Variants in UBE2K observed in about 807,000 individuals in gnomAD.
The protein encoded by UBE2K is ubiquitin conjugating enzyme E2 K, also known as ubiquitin-conjugating enzyme E2 K.
A neutral mutation model predicts 30.0 loss-of-function variants in UBE2K; 6 were observed. The observed-to-expected ratio is 0.20, with a 90% CI of 0.11 to 0.39. The LOEUF is 0.39. UBE2K is among the 10% of genes least tolerant of loss of function. The probability of loss-of-function intolerance (pLI) is 1.00; values close to 1 mark genes in which losing one functional copy is unlikely to be tolerated. For missense variants in UBE2K, 61 were observed against 241.6 expected, an observed-to-expected ratio of 0.25 and a Z score of 4.96; for synonymous variants, 86 against 83.7, an observed-to-expected ratio of 1.03 and a Z score of -0.15.
At chr4:39,735,858 A>AAGTAATT (rs1288987428) in intron 1 of UBE2K, among the ~76,000 whole-genome samples, 1 of 152,184 alleles carries the variant, frequency 6.6e-6, no homozygotes, top group African/African-American at 2.4e-5. Flanking sequence ...ACTAATTAGA[A>AAGTAATT]AGTAAGTTTT....
chr4:39,775,014 G>A, intron 5 of UBE2K, 81 bp downstream of exon 5: 4 of 769,262 alleles, frequency 5.2e-6, no homozygotes, highest in Non-Finnish European at 7.7e-6. Flanking sequence ...ATTAACACAT[G>A]AGCATACTCT....
chr4:39,702,610 C>T (rs1009717766), intron 1 of UBE2K, among the ~76,000 whole-genome samples: 27 of 151,958 alleles, frequency 1.8e-4, no homozygotes, highest in Admixed American at 4.6e-4. Context: ...AAATTGGTTT[C>T]GTGAAAATTA....
intron 2 of UBE2K, among the ~76,000 whole-genome samples, chr4:39,739,669 A>G (rs1214962984): frequency 6.9e-6 from 1 of 144,740 alleles, no homozygotes; most frequent in Non-Finnish European, 1.5e-5. Flanking sequence ...CTTGTCTTGA[A>G]CTCCTGACCT....
intron 1 of UBE2K, among the ~76,000 whole-genome samples, chr4:39,728,567 T>G (rs905065612): frequency 1.3e-5 from 2 of 152,022 alleles, no homozygotes; most frequent in Non-Finnish European, 2.9e-5. Context: ...AATATCTTTT[T>G]CTTCCTTTCT....
At chr4:39,743,033 G>A (rs1319900726) in intron 2 of UBE2K, among the ~76,000 whole-genome samples, 4 of 149,190 alleles carry the variant, frequency 2.7e-5, no homozygotes, top group Middle Eastern at 3.2e-3. Flanking sequence ...GCAACAGAAC[G>A]ACCCTGTCTC....
chr4:39,700,374 TTTG>T (rs1419362602), intron 1 of UBE2K, among the ~76,000 whole-genome samples: 1 of 152,180 alleles, frequency 6.6e-6, no homozygotes, highest in Non-Finnish European at 1.5e-5. Flanking sequence ...TTTTGTTGTT[TTTG>T]TTGTTTGTTT....
At position 39,768,729 on chromosome 4, in the gene UBE2K, T is replaced by C. The variant is rs545282396; in HGVS notation, c.300-6105T>C. On this transcript the variant is annotated intron_variant, in intron 4 of 6. Coordinates refer to ENST00000261427, the MANE Select transcript of UBE2K (RefSeq NM_005339.5). ...ACTCCATACTGTTTTTCCATAATGG[T>C]TGTACTAATTTGTATTCCCACCAGC... 1.6e-3 allele frequency among the ~76,000 whole-genome samples: 245 copies of C among 152,314 alleles called. 1 individual carries two copies. The highest frequency in any genetic ancestry group is 3.0e-3 in the Non-Finnish European group (207 of 68,018).
At chr4:39,721,537 T>G (rs1215424683) in intron 1 of UBE2K, among the ~76,000 whole-genome samples, 2 of 151,942 alleles carry the variant, frequency 1.3e-5, no homozygotes, top group South Asian at 2.1e-4. Context: ...TATTTTTTTT[T>G]GTAGAGATGG....
intron 4 of UBE2K, among the ~76,000 whole-genome samples, chr4:39,758,420 G>A (rs1711637943): frequency 1.3e-5 from 2 of 152,348 alleles, no homozygotes; most frequent in Admixed American, 1.3e-4. Context: ...GCTCATGCCT[G>A]TAATTCCAAC....
intron 1 of UBE2K, among the ~76,000 whole-genome samples, chr4:39,714,744 T>G (rs1193559565): frequency 3.4e-5 from 5 of 148,810 alleles, no homozygotes; most frequent in African/African-American, 5.0e-5. Context: ...TAGAGACGGG[T>G]TTTACCATGT....
intron 3 of UBE2K, among the ~76,000 whole-genome samples, chr4:39,754,035 A>C (rs183770818): frequency 0.019 from 2,928 of 152,330 alleles, 52 homozygotes; most frequent in Admixed American, 0.047. Flanking sequence ...TCTCAAAAAA[A>C]AAGAGAGAGA....
In UBE2K at chr4:39,758,941, T is replaced by C. The variant is rs1711678838; in HGVS notation, c.299+3202T>C. On this transcript the variant is annotated intron_variant, in intron 4 of 6. Coordinates refer to ENST00000261427, the MANE Select transcript of UBE2K (RefSeq NM_005339.5). ...AAGGCAGGTGAATAATCTTGTTTTT[T>C]ATCTGTACAATTGAAATATTAGAAT... is the stretch of plus-strand genomic sequence containing the variant. Among the ~76,000 whole-genome samples, 3 of 152,316 alleles carry C rather than the reference T, an allele frequency of 2.0e-5. No homozygotes were observed. The South Asian group carries it at 6.2e-4, about 32-fold the overall frequency.
chr4:39,756,489 G>C (rs1386366013), intron 4 of UBE2K, among the ~76,000 whole-genome samples: 2 of 152,184 alleles, frequency 1.3e-5, no homozygotes, highest in African/African-American at 4.8e-5. Flanking sequence ...GTCTTGCCCT[G>C]TTGCCCAGGC....
intron 4 of UBE2K, among the ~76,000 whole-genome samples, chr4:39,758,991 T>C (rs1490536786): frequency 6.6e-6 from 1 of 152,142 alleles, no homozygotes; most frequent in African/African-American, 2.4e-5. Flanking sequence ...TTAGATAAAA[T>C]AGGTGAGACT....
intron 4 of UBE2K, among the ~76,000 whole-genome samples, chr4:39,772,579 GA>G (rs56102762): frequency 6.3e-4 from 68 of 108,154 alleles, no homozygotes; most frequent in African/African-American, 1.9e-3. Context: ...CTCAAAAAAA[GA>G]AAAAAAGAAG....
At chr4:39,771,789 A>C (rs1277346720) in intron 4 of UBE2K, among the ~76,000 whole-genome samples, 2 of 152,168 alleles carry the variant, frequency 1.3e-5, no homozygotes, top group East Asian at 1.9e-4. Context: ...CAACACTGAG[A>C]TCATTGCTTT....
chr4:39,769,294 G>GA (rs1712579647), intron 4 of UBE2K, among the ~76,000 whole-genome samples: 1 of 147,234 alleles, frequency 6.8e-6, no homozygotes, highest in South Asian at 2.1e-4. Flanking sequence ...CCAAACTCCA[G>GA]AAAAAATCCT....
intron 4 of UBE2K, chr4:39,770,278 A>T: frequency 6.2e-7 from 1 of 1,611,238 alleles, no homozygotes; most frequent in Non-Finnish European, 8.5e-7. Context: ...TGTGTGAAGC[A>T]CTTGCCGCAG....
chr4:39,763,424 T>C (rs954789586), intron 4 of UBE2K, among the ~76,000 whole-genome samples: 1 of 152,096 alleles, frequency 6.6e-6, no homozygotes, highest in Non-Finnish European at 1.5e-5. Context: ...GCTAATTTTG[T>C]AATTTTAGTA....
Sources: allele counts gnomAD v4.1 joint callset (sites outside exome capture counted in the v4.1 genomes callset), GRCh38; gene constraint gnomAD v4.1.1; transcripts MANE v1.5; gene names NCBI Gene and HGNC (gene_info 2026-07-23, HGNC 2026-07-21).